Variants in ABTB2 observed in about 807,000 individuals in gnomAD.
ABTB2 encodes the protein ankyrin repeat and BTB/POZ domain-containing protein 2.
Under a neutral mutation model 104.1 loss-of-function variants are expected in ABTB2, and 56 were observed. That is an observed-to-expected ratio of 0.54 (90% CI 0.43 to 0.67). The LOEUF (loss-of-function observed/expected upper bound fraction) is 0.67. Ranked by LOEUF, ABTB2 falls within the 30% of genes least tolerant of loss-of-function variation. The pLI, the probability that ABTB2 is intolerant of heterozygous loss-of-function variation, is 0.00. For synonymous variants in ABTB2, 606 were observed against 608.2 expected (o/e 1.00, Z 0.05); for missense variants, 1,279 against 1,407.7 (o/e 0.91, Z 1.46).
chr11:34,324,434 A>C (rs1176654335), intron 1 of ABTB2, among the ~76,000 whole-genome samples: 1 of 152,182 alleles, frequency 6.6e-6, no homozygotes, highest in African/African-American at 2.4e-5. Context: ...GACAGTGATG[A>C]TTGATCAGGC....
In ABTB2 at chr11:34,247,764, T is replaced by A. The variant is rs148973765; in HGVS notation, c.884-43074A>T. 4.6e-5 allele frequency among the ~76,000 whole-genome samples: 7 copies of A among 152,328 alleles called. No individual in the cohort carries two copies. The East Asian group carries it at 7.7e-4, about 17-fold the overall frequency. On this transcript the variant is annotated intron_variant, in intron 1 of 16. Transcript: ENST00000435224. Reference sequence around the variant, plus strand: ...GATTGTGCATTGACTACAAATCAGATACTCTGCTAAGCACTTCACATGTAC... The same window carrying A: ...GATTGTGCATTGACTACAAATCAGAAACTCTGCTAAGCACTTCACATGTAC...
chr11:34,290,677 T>C (rs1346977501), intron 1 of ABTB2, among the ~76,000 whole-genome samples: 2 of 151,818 alleles, frequency 1.3e-5, no homozygotes, highest in East Asian at 3.9e-4. Flanking sequence ...TCCTCGTCTC[T>C]ATAAAAAATG....
chr11:34,347,322 G>C (rs1172536108), intron 1 of ABTB2, among the ~76,000 whole-genome samples: 1 of 152,138 alleles, frequency 6.6e-6, no homozygotes, highest in Non-Finnish European at 1.5e-5. Context: ...TATAATCTCA[G>C]CTAACTGAGA....
chr11:34,235,117 A>C (rs1853824968), intron 1 of ABTB2, among the ~76,000 whole-genome samples: 1 of 151,932 alleles, frequency 6.6e-6, no homozygotes, highest in Non-Finnish European at 1.5e-5. Flanking sequence ...TGCCTTAGCC[A>C]CCCAAAGTGC....
intron 2 of ABTB2, among the ~76,000 whole-genome samples, chr11:34,203,927 A>G (rs1853374692): frequency 6.6e-6 from 1 of 152,204 alleles, no homozygotes; most frequent in African/African-American, 2.4e-5. Context: ...TTCTCAAATC[A>G]AATGGGTAAT....
chr11:34,189,914 C>G (rs1853150174), intron 3 of ABTB2, among the ~76,000 whole-genome samples: 1 of 152,156 alleles, frequency 6.6e-6, no homozygotes, highest in African/African-American at 2.4e-5. Context: ...CCACAACACC[C>G]CTATGAAGTT....
chr11:34,243,200 G>A (rs1260214063), intron 1 of ABTB2, among the ~76,000 whole-genome samples: 2 of 152,074 alleles, frequency 1.3e-5, no homozygotes, highest in Non-Finnish European at 2.9e-5. Context: ...GCAAAGAGAC[G>A]TGTGAGAACA....
At chr11:34,350,468 C>T (rs1237059801) in intron 1 of ABTB2, among the ~76,000 whole-genome samples, 5 of 152,228 alleles carry the variant, frequency 3.3e-5, no homozygotes, top group Admixed American at 1.3e-4. Context: ...TATAAAGGCC[C>T]TCCCTGGGCA....
rs763188531 is a variant in ABTB2, at chr11:34,160,027, CAG to C, written c.2504-21_2504-20del. On this transcript the variant is annotated intron_variant, in intron 12 of 16. Transcript: ENST00000435224. ...TGTGGATCTGTGAAAAGCGGGGAGA[CAG>C]AGGGATATGGCTGAGGAGTCCCCTG... 65 of 1,596,300 alleles carry C rather than the reference CAG, an allele frequency of 4.1e-5. No individual in the cohort carries two copies. The highest frequency in any genetic ancestry group is 1.8e-4 in the Middle Eastern group (1 of 5,562).
chr11:34,184,160 C>T (rs1289810413), intron 3 of ABTB2, among the ~76,000 whole-genome samples: 1 of 151,868 alleles, frequency 6.6e-6, no homozygotes, highest in African/African-American at 2.4e-5. Context: ...CCAGAGCACT[C>T]TCACGAAAGG....
chr11:34,153,820 T>G (rs529218913), intron 16 of ABTB2, among the ~76,000 whole-genome samples: 8 of 152,266 alleles, frequency 5.3e-5, no homozygotes, highest in African/African-American at 1.9e-4. Context: ...GTGGGTGGCT[T>G]GCATATGGGA....
At chr11:34,267,929 C>T (rs1854269635) in intron 1 of ABTB2, among the ~76,000 whole-genome samples, 1 of 152,106 alleles carries the variant, frequency 6.6e-6, no homozygotes, top group African/African-American at 2.4e-5. Flanking sequence ...AACATGCTCC[C>T]TATTTTAAGA....
intron 1 of ABTB2, among the ~76,000 whole-genome samples, chr11:34,207,418 C>T (rs566942568): frequency 5.3e-5 from 8 of 152,328 alleles, no homozygotes; most frequent in African/African-American, 1.4e-4. Flanking sequence ...CACTTAATAC[C>T]GTGGCAAAAG....
At chr11:34,262,937 C>G (rs768266275) in intron 1 of ABTB2, among the ~76,000 whole-genome samples, 8 of 152,114 alleles carry the variant, frequency 5.3e-5, no homozygotes, top group Non-Finnish European at 1.2e-4. Context: ...CAAAACATGT[C>G]ATCATGCCAG....
At chr11:34,251,968 G>T (rs1407987258) in intron 1 of ABTB2, among the ~76,000 whole-genome samples, 1 of 152,202 alleles carries the variant, frequency 6.6e-6, no homozygotes, top group Non-Finnish European at 1.5e-5. Context: ...CCCATCCTGG[G>T]AGTCACAGTG....
intron 1 of ABTB2, among the ~76,000 whole-genome samples, chr11:34,333,164 C>A (rs981860521): frequency 6.6e-6 from 1 of 152,272 alleles, no homozygotes; most frequent in East Asian, 1.9e-4. Flanking sequence ...AATTTACCTA[C>A]CCCCAGAAGT....
chr11:34,226,869 C>T (rs970688304), intron 1 of ABTB2, among the ~76,000 whole-genome samples: 2 of 152,058 alleles, frequency 1.3e-5, no homozygotes, highest in South Asian at 4.1e-4. Context: ...AGTTGGTGAC[C>T]AGGCTGGCCA....
At chr11:34,190,386 G>A (rs1853160104) in intron 3 of ABTB2, among the ~76,000 whole-genome samples, 1 of 152,308 alleles carries the variant, frequency 6.6e-6, no homozygotes, top group African/African-American at 2.4e-5. Flanking sequence ...GAGCCTGAGG[G>A]CTGACCTCAT....
intron 1 of ABTB2, among the ~76,000 whole-genome samples, chr11:34,251,337 T>C (rs540723114): frequency 2.6e-5 from 4 of 152,328 alleles, no homozygotes; most frequent in South Asian, 4.1e-4. Context: ...CTGATTCTGC[T>C]CTGGCTGAGT....
Sources: gnomAD v4.1 joint callset for allele counts (sites outside exome capture counted in the v4.1 genomes callset) on GRCh38, gnomAD v4.1.1 for gene constraint, MANE v1.5 for transcripts, NCBI Gene and HGNC (gene_info 2026-07-23, HGNC 2026-07-21) for gene names.